GNAO1: variants seen among roughly 807,000 people sequenced by gnomAD.
GNAO1 encodes the protein G protein subunit alpha o1, also known as guanine nucleotide-binding protein G(o) subunit alpha.
For synonymous variants in GNAO1, 164 were observed against 180.7 expected, an observed-to-expected ratio of 0.91 and a Z score of 0.74; for missense variants, 166 against 478.7, an observed-to-expected ratio of 0.35 and a Z score of 6.10.
intron 6 of GNAO1, among the ~76,000 whole-genome samples, 165 bp downstream of exon 6, chr16:56,337,025 C>T (rs2143665802): frequency 6.6e-6 from 1 of 152,362 alleles, no homozygotes; most frequent in East Asian, 1.9e-4. Context: ...CGGCACTCCA[C>T]CAATTCTGTA....
chr16:56,205,496 G>C (rs2036318922), intron 2 of GNAO1, among the ~76,000 whole-genome samples: 2 of 152,194 alleles, frequency 1.3e-5, no homozygotes, highest in South Asian at 2.1e-4. Context: ...CTTGGGGAAG[G>C]GATGGTAGAA....
intron 2 of GNAO1, among the ~76,000 whole-genome samples, chr16:56,203,863 G>A (rs2036302227): frequency 1.3e-5 from 2 of 152,188 alleles, no homozygotes; most frequent in African/African-American, 4.8e-5. Flanking sequence ...AAGAGCTGGG[G>A]TTTGTGGGAA....
Position 56,192,156 on chromosome 16 carries a change from C to T in GNAO1, c.-80C>T, listed in dbSNP as rs2036181175. ...TCCCCCCTTGAGCCCAGGCTCTGCT[C>T]TCTGGGGGGGTGGGGGGCGCTCCAA... is the stretch of plus-strand genomic sequence containing the variant. On this transcript the variant is annotated 5_prime_UTR_variant, in exon 1 of 9. Transcript: ENST00000262493. 1.3e-6 allele frequency: 1 copy of T among 786,620 alleles called. No homozygotes were observed. The highest frequency in any genetic ancestry group is 2.7e-5 in the East Asian group (1 of 37,460). The allele number at this position is 786,620 out of a possible 1,614,324, so 48.7% of individuals were successfully genotyped here.
chr16:56,223,669 G>T lies in GNAO1; in HGVS notation c.161+31053G>T, dbSNP rs118114500. ...GGAAAGATGATGGTACCCACCTTTG[G>T]GTTATGAGGATGGGATGTGGAACCC... On this transcript the variant is annotated intron_variant, in intron 2 of 8. Coordinates refer to ENST00000262493, the MANE Select transcript of GNAO1 (RefSeq NM_020988.3). Among the ~76,000 whole-genome samples, 1,407 of 152,230 alleles carry T rather than the reference G, an allele frequency of 9.2e-3. 12 individuals carry two copies. Among genetic ancestry groups the T allele is most frequent in the Non-Finnish European group, 0.014 (950 of 68,020 alleles).
intron 3 of GNAO1, among the ~76,000 whole-genome samples, chr16:56,297,782 G>A (rs562436632): frequency 3.5e-4 from 53 of 152,232 alleles, no homozygotes; most frequent in Admixed American, 2.0e-3. Flanking sequence ...GTCAAACTAG[G>A]GAGGAGGGAG....
intron 1 of GNAO1, 61 bp from the exon 2 acceptor site, chr16:56,192,513 C>G (rs2036186489): frequency 9.2e-7 from 1 of 1,090,348 alleles, no homozygotes; most frequent in Non-Finnish European, 1.4e-6. Context: ...TAGTCCCCCC[C>G]TCCCCCTGTT....
intron 2 of GNAO1, among the ~76,000 whole-genome samples, chr16:56,236,620 T>C (rs1345223232): frequency 1.3e-5 from 2 of 152,218 alleles, no homozygotes; most frequent in Non-Finnish European, 2.9e-5. Context: ...TTCACTCTAC[T>C]ATGTTACTTC....
At chr16:56,200,467 A>G (rs1460301713) in intron 2 of GNAO1, among the ~76,000 whole-genome samples, 1 of 152,240 alleles carries the variant, frequency 6.6e-6, no homozygotes, top group Non-Finnish European at 1.5e-5. Flanking sequence ...TTTGTTTATC[A>G]ACCTGTGAGC....
At chr16:56,195,268 C>G (rs934218435) in intron 2 of GNAO1, among the ~76,000 whole-genome samples, 22 of 152,290 alleles carry the variant, frequency 1.4e-4, no homozygotes, top group Non-Finnish European at 2.5e-4. Context: ...GGGACCCTGG[C>G]GTCCTGTCCT....
At position 56,192,325 on chromosome 16, in the gene GNAO1, C is replaced by A. The variant is rs1484546546; in HGVS notation, c.90C>A (p.Ala30=). Residue 30 remains alanine, a synonymous_variant, in exon 1 of 9, where the codon GCC becomes GCA. Transcript: ENST00000262493. ...ACCTCAAAGAGGATGGCATCAGCGC[C>A]GCCAAAGACGTGAAATTACTCCTGC... ...EKNLKEDGIS[A]AKDVKLLLLG... is the part of the protein sequence containing the mutation. 6.2e-7 allele frequency: 1 copy of A among 1,606,856 alleles called. No homozygotes were observed. The highest frequency in any genetic ancestry group is 8.5e-7 in the Non-Finnish European group (1 of 1,174,386).
chr16:56,347,156 CCCT>C (rs1297193274), intron 6 of GNAO1: 4 of 985,232 alleles, frequency 4.1e-6, no homozygotes, highest in Admixed American at 6.1e-5. Flanking sequence ...TAGTGGCCTG[CCCT>C]CCTCCTTTTC....
At chr16:56,214,544 A>T (rs1212932456) in intron 2 of GNAO1, among the ~76,000 whole-genome samples, 1 of 152,236 alleles carries the variant, frequency 6.6e-6, no homozygotes, top group Non-Finnish European at 1.5e-5. Flanking sequence ...ATTGCTTAGG[A>T]TGAAGTTAAA....
intron 2 of GNAO1, among the ~76,000 whole-genome samples, chr16:56,265,094 A>T (rs1596829785): frequency 1.3e-5 from 2 of 152,238 alleles, no homozygotes; most frequent in East Asian, 3.9e-4. Context: ...TGGGAGAAGC[A>T]CCCTCGTGGT....
At chr16:56,347,652 C>T (rs1038410522) in intron 6 of GNAO1, 1 of 985,744 alleles carries the variant, frequency 1.0e-6, no homozygotes, top group Non-Finnish European at 1.2e-6. Flanking sequence ...AGCTCTCATC[C>T]CCAGGCCCAG....
intron 2 of GNAO1, among the ~76,000 whole-genome samples, chr16:56,200,080 A>G (rs1226334774): frequency 1.3e-5 from 2 of 152,160 alleles, no homozygotes; most frequent in Non-Finnish European, 1.5e-5. Flanking sequence ...TCTGTAGAAT[A>G]TTGTTACTTA....
chr16:56,344,980 C>T, intron 6 of GNAO1: 1 of 982,362 alleles, frequency 1.0e-6, no homozygotes, highest in Non-Finnish European at 1.2e-6. Flanking sequence ...CTTCCCAGCC[C>T]CTGGGGACAG....
chr16:56,300,452 G>A (rs375853825), intron 3 of GNAO1, among the ~76,000 whole-genome samples: 17 of 152,326 alleles, frequency 1.1e-4, no homozygotes, highest in East Asian at 7.7e-4. Context: ...ACTGGTCACC[G>A]TGCTCCAGGC....
At chr16:56,192,396 C>G (rs2036184576) in intron 1 of GNAO1, 43 bp downstream of exon 1, 1 of 1,193,230 alleles carries the variant, frequency 8.4e-7, no homozygotes, top group African/African-American at 1.6e-5. Flanking sequence ...ACCCCGGCCA[C>G]TCCGCACCCC....
chr16:56,229,938 C>T (rs917018125), intron 2 of GNAO1, among the ~76,000 whole-genome samples: 5 of 152,106 alleles, frequency 3.3e-5, no homozygotes, highest in African/African-American at 1.2e-4. Flanking sequence ...CCAGGAGAGT[C>T]GAAGGGCATC....
Sources: gnomAD v4.1 joint callset for allele counts (sites outside exome capture counted in the v4.1 genomes callset) on GRCh38, gnomAD v4.1.1 for gene constraint, MANE v1.5 for transcripts, NCBI Gene and HGNC (gene_info 2026-07-23, HGNC 2026-07-21) for gene names.